Variants in SCNN1G observed in about 807,000 individuals in gnomAD.
The protein encoded by SCNN1G is sodium channel epithelial 1 subunit gamma.
Under a neutral mutation model 64.6 loss-of-function variants are expected in SCNN1G, and 27 were observed. That is an observed-to-expected ratio of 0.42 (90% CI 0.31 to 0.58). The LOEUF (loss-of-function observed/expected upper bound fraction) is 0.58. Among genes scored for constraint, SCNN1G ranks in the 20% least tolerant of loss-of-function variants. The probability of loss-of-function intolerance (pLI) is 0.18; values close to 1 mark genes in which losing one functional copy is unlikely to be tolerated. For synonymous variants in SCNN1G, 330 were observed against 314.2 expected (o/e 1.05, Z -0.53); for missense variants, 743 against 823.4 (o/e 0.90, Z 1.19).
chr16:23,192,493 G>A lies in SCNN1G; in HGVS notation c.760G>A (p.Glu254Lys). 6.2e-7 allele frequency: 1 copy of A among 1,613,100 alleles called. No individual in the cohort carries two copies. Among genetic ancestry groups the A allele is most frequent in the Non-Finnish European group, 8.5e-7 (1 of 1,180,020 alleles). Reference sequence around the variant, plus strand: ...GAAAATCAACATGAGCTATTCTGCTGAGGAGCTGCTGGTGACCTGCTTCTT... The same window carrying A: ...GAAAATCAACATGAGCTATTCTGCTAAGGAGCTGCTGGTGACCTGCTTCTT... Reference protein sequence around the residue: ...EKKINMSYSAEELLVTCFFDG... With the variant: ...EKKINMSYSAKELLVTCFFDG... Residue 254 changes from glutamate (E) to lysine (K), a missense_variant, in exon 4 of 13, where the codon GAG becomes AAG. Transcript: ENST00000300061.
intron 6 of SCNN1G, among the ~76,000 whole-genome samples, chr16:23,202,146 A>C (rs149263547): frequency 6.6e-6 from 1 of 151,952 alleles, no homozygotes; most frequent in African/African-American, 2.4e-5. Flanking sequence ...ACTTTGCAAT[A>C]CAGTTTCCAT....
chr16:23,200,569 C>T (rs1959872263), intron 6 of SCNN1G, among the ~76,000 whole-genome samples: 1 of 152,222 alleles, frequency 6.6e-6, no homozygotes, highest in Admixed American at 6.5e-5. Context: ...TGAGCACCTT[C>T]TATGTGCTAG....
intron 2 of SCNN1G, among the ~76,000 whole-genome samples, chr16:23,187,222 C>T (rs1197971629): frequency 6.6e-6 from 1 of 151,206 alleles, no homozygotes; most frequent in Non-Finnish European, 1.5e-5. Context: ...AATTCTCCTA[C>T]TGCAGCCTCC....
intron 2 of SCNN1G, among the ~76,000 whole-genome samples, chr16:23,188,872 T>A (rs986262460): frequency 6.6e-6 from 1 of 152,196 alleles, no homozygotes; most frequent in African/African-American, 2.4e-5. Flanking sequence ...AACTCCTTTA[T>A]AACTATTTTG....
Position 23,186,593 on chromosome 16 carries a change from G to C in SCNN1G, c.317+5G>C. On this transcript the variant is annotated splice_donor_5th_base_variant and intron_variant, in intron 2 of 12. Transcript: ENST00000300061. ...CTGCAACATCAACCCCTACAAGTAA[G>C]AGGCATGAGCAGGGAAACGCGAGTA... The C allele has an allele frequency of 6.2e-7, 1 of 1,610,978 alleles. No individual in the cohort carries two copies. The highest frequency in any genetic ancestry group is 8.5e-7 in the Non-Finnish European group (1 of 1,179,740).
chr16:23,202,795 A>T (rs1459496595), intron 6 of SCNN1G, among the ~76,000 whole-genome samples: 2 of 152,274 alleles, frequency 1.3e-5, no homozygotes, highest in South Asian at 2.1e-4. Context: ...TTGGGCAGGG[A>T]GATGGAGGAA....
Position 23,215,983 on chromosome 16 carries a change from T to C in SCNN1G, c.*514T>C. The C allele has an allele frequency of 4.9e-6, 1 of 204,210 alleles. No homozygotes were observed. Among genetic ancestry groups the C allele is most frequent in the Non-Finnish European group, 1.0e-5 (1 of 100,006 alleles). 12.6% of individuals were successfully genotyped at this position (204,210 alleles called of 1,614,324 possible). ...CCGTTTGTGAATAAACTGTTCTTCA[T>C]CATTGACACTGGAGAAAGGTGTCCT... On this transcript the variant is annotated 3_prime_UTR_variant, in exon 13 of 13. Transcript: ENST00000300061.
Position 23,213,091 on chromosome 16 carries a change from C to T in SCNN1G, c.1432-11C>T, listed in dbSNP as rs1446190593. 4 of 1,613,542 alleles carry T rather than the reference C, an allele frequency of 2.5e-6. No individual in the cohort carries two copies. The highest frequency in any genetic ancestry group is 3.4e-6 in the Non-Finnish European group (4 of 1,179,482). ...GCACCCTCAGGCCCACGCTTTCTCT[C>T]TCCGTTGTAGAAGTGGTTGCTGCCT... On this transcript the variant is annotated splice_polypyrimidine_tract_variant and intron_variant, in intron 10 of 12. Transcript: ENST00000300061.
rs748508646 is a variant in SCNN1G, at chr16:23,215,396, A to G, written c.1877A>G (p.Lys626Arg). The G allele has an allele frequency of 1.2e-6, 2 of 1,613,896 alleles. No individual in the cohort carries two copies. Among genetic ancestry groups the G allele is most frequent in the Non-Finnish European group, 1.7e-6 (2 of 1,180,016 alleles). ...GTQVPGTPPP[K>R]YNTLRLERAF... ...CAAGTGCCCGGCACACCGCCCCCCA[A>G]ATACAATACCTTGCGCTTGGAGAGG... The change falls in exon 13 of 13, where the codon AAA (lysine) becomes AGA (arginine). Residue 626 changes from lysine (K) to arginine (R), a missense_variant. By Grantham distance (26) the Lys-to-Arg change is conservative. Coordinates refer to ENST00000300061, the MANE Select transcript of SCNN1G (RefSeq NM_001039.4).
intron 5 of SCNN1G, 34 bp downstream of exon 5, chr16:23,194,308 C>A: frequency 1.4e-6 from 2 of 1,413,032 alleles, no homozygotes; most frequent in Non-Finnish European, 2.0e-6. Context: ...ATCTTGAGGC[C>A]CTCCAATAGT....
intron 1 of SCNN1G, among the ~76,000 whole-genome samples, 162 bp from the exon 2 acceptor site, chr16:23,186,066 G>A (rs1199334265): frequency 6.6e-6 from 1 of 152,218 alleles, no homozygotes; most frequent in African/African-American, 2.4e-5. Context: ...CCGTGGAAAA[G>A]GGGCCAAGGA....
chr16:23,189,448 C>G lies in SCNN1G; in HGVS notation c.395C>G (p.Pro132Arg), dbSNP rs1187366761. Residue 132 changes from proline to arginine, a missense_variant, in exon 3 of 13, where the codon CCA becomes CGA. Pro to Arg is a moderately radical substitution (Grantham distance 103). Transcript: ENST00000300061. The part of the protein sequence containing the change: ...REALKSLYGF[P>R]ESRKRREAES... ...GCCCTGAAGTCCCTGTATGGCTTTC[C>G]AGAGTCCCGGAAGCGCCGAGAGGCG... 2.5e-6 allele frequency: 4 copies of G among 1,614,056 alleles called. No homozygotes were observed. The highest frequency in any genetic ancestry group is 3.4e-6 in the Non-Finnish European group (4 of 1,180,034).
rs1343012997 is a variant in SCNN1G at position 23,215,232 on chromosome 16, G to C, written c.1713G>C (p.Glu571Asp). Residue 571 changes from glutamate to aspartate, a missense_variant, in exon 13 of 13, where the codon GAG (glutamate) becomes GAC (aspartate). Glu to Asp is a conservative substitution (Grantham distance 45, BLOSUM62 2). Transcript: ENST00000300061. ...GCCGCCAGTGGCAGAAAGCCAAGGA[G>C]TGGTGGGCCTGGAAACAGGCTCCCC... is the stretch of plus-strand genomic sequence containing the variant. ...IARRQWQKAK[E>D]WWAWKQAPPC... 2 of 1,614,072 alleles carry C rather than the reference G, an allele frequency of 1.2e-6. No homozygotes were observed. Among genetic ancestry groups the C allele is most frequent in the Non-Finnish European group, 1.7e-6 (2 of 1,180,040 alleles).
At position 23,189,718 on chromosome 16, in the gene SCNN1G, G is replaced by T. The variant is rs532782586; in HGVS notation, c.618+47G>T. The T allele has an allele frequency of 1.9e-6, 3 of 1,581,490 alleles. No homozygotes were observed. The African/African-American group carries it at 4.0e-5, about 21-fold the overall frequency. On this transcript the variant is annotated intron_variant, in intron 3 of 12. Coordinates refer to ENST00000300061, the MANE Select transcript of SCNN1G (RefSeq NM_001039.4). ...CTTTCACTGCTTAGGGGCATGGGAT[G>T]GGCTGGGTCCAGGACTCTTCTCCTT...
Position 23,215,119 on chromosome 16 carries a change from C to T in SCNN1G, c.1600C>T (p.Gln534Ter). 1 of 1,614,102 alleles carries T rather than the reference C, an allele frequency of 6.2e-7. No homozygotes were observed. Among genetic ancestry groups the T allele is most frequent in the Non-Finnish European group, 8.5e-7 (1 of 1,180,024 alleles). The change falls in exon 13 of 13, where the codon CAG becomes TAG. Residue 534 changes from glutamine (Q) to a stop codon, truncating the protein, a stop_gained. Coordinates refer to ENST00000300061, the MANE Select transcript of SCNN1G (RefSeq NM_001039.4). LOFTEE classifies it low-confidence loss of function (END_TRUNC). ...IEMLLSNFGG[Q>*]LGLWMSCSVV... ...GATGCTTCTGTCCAACTTCGGTGGCCAGCTGGGCCTGTGGATGAGCTGCTC... is the reference window on the plus strand; with the variant it reads ...GATGCTTCTGTCCAACTTCGGTGGCTAGCTGGGCCTGTGGATGAGCTGCTC...
chr16:23,183,745 G>T (rs1959559948), intron 1 of SCNN1G, among the ~76,000 whole-genome samples: 1 of 152,194 alleles, frequency 6.6e-6, no homozygotes, highest in South Asian at 2.1e-4. Flanking sequence ...GACTGAGTGG[G>T]ATGCCTGGGA....
In SCNN1G at chr16:23,194,735, G is replaced by T. The variant is rs182260287; in HGVS notation, c.913+461G>T. The T allele has an allele frequency of 3.8e-5, 8 of 208,654 alleles. 1 individual carries two copies. In the South Asian group the frequency reaches 7.2e-4, roughly 19 times the overall value. The allele number at this position is 208,654 out of a possible 1,614,324, so 12.9% of individuals were successfully genotyped here. ...GACCTTGGGCAAGTTACTGCGCTTC[G>T]TCTATAAAGCGGGACTAATAATAGT... On this transcript the variant is annotated intron_variant, in intron 5 of 12. Transcript: ENST00000300061.
chr16:23,187,106 C>CTTTTTTTTTT (rs991130957), intron 2 of SCNN1G, among the ~76,000 whole-genome samples: 1 of 117,906 alleles, frequency 8.5e-6, no homozygotes, highest in Non-Finnish European at 1.7e-5. Context: ...CTGGCCTTTT[C>CTTTTTTTTTT]TTTTTTTTTT....
rs550788024 is a variant in SCNN1G, at chr16:23,187,309, A to G, written c.317+721A>G. Among the ~76,000 whole-genome samples the G allele has an allele frequency of 7.2e-5, 11 of 151,944 alleles. No individual in the cohort carries two copies. In the South Asian group the frequency reaches 2.1e-3, roughly 29 times the overall value. ...ATTTTTTAAGAGATGGGGTCTCGCT[A>G]TGTTACTCAGGCTGGTCTCAAACTC... On this transcript the variant is annotated intron_variant, in intron 2 of 12. Transcript: ENST00000300061.
Sources: gnomAD v4.1 joint callset for allele counts (sites outside exome capture counted in the v4.1 genomes callset) on GRCh38, gnomAD v4.1.1 for gene constraint, MANE v1.5 for transcripts, NCBI Gene and HGNC (gene_info 2026-07-23, HGNC 2026-07-21) for gene names.